SV2C: variants seen among roughly 807,000 people sequenced by gnomAD.
The protein encoded by SV2C is solute carrier family 22 member B3.
A neutral mutation model predicts 79.7 loss-of-function variants in SV2C; 49 were observed. That is an observed-to-expected ratio of 0.61 (90% CI 0.49 to 0.78). The LOEUF (loss-of-function observed/expected upper bound fraction) is 0.78. SV2C is among the 30% of genes least tolerant of loss of function. The pLI is 0.00. For synonymous variants in SV2C, 334 were observed against 333.2 expected (o/e 1.00, Z -0.03); for missense variants, 833 against 912.9 (o/e 0.91, Z 1.13).
chr5:76,122,464 T>C lies in SV2C; in HGVS notation c.-101-9186T>C, dbSNP rs1031287013. 3.0e-3 allele frequency among the ~76,000 whole-genome samples: 459 copies of C among 152,160 alleles called. 3 individuals carry two copies. Among genetic ancestry groups the C allele is most frequent in the African/African-American group, 8.5e-3 (354 of 41,480 alleles). On this transcript the variant is annotated intron_variant, in intron 1 of 12. Coordinates refer to ENST00000502798, the MANE Select transcript of SV2C (RefSeq NM_014979.4). The stretch of plus-strand genomic sequence containing the variant: ...GTCTTGTGCCAGTTTTCAAAGGGAA[T>C]GCTTCCAGGTTTTGCCCATTCAGTA...
the SV2C span, among the ~76,000 whole-genome samples, chr5:75,898,697 C>T: frequency 6.6e-6 from 1 of 152,076 alleles, no homozygotes; most frequent in Non-Finnish European, 1.5e-5. Flanking sequence ...CCATCTGGTC[C>T]TGGACTCTTT....
At chr5:76,034,421 C>A in the SV2C span, among the ~76,000 whole-genome samples, 1 of 152,108 alleles carries the variant, frequency 6.6e-6, no homozygotes, top group Non-Finnish European at 1.5e-5. Context: ...GAGATACATC[C>A]CATCAATACC....
intron 4 of SV2C, among the ~76,000 whole-genome samples, chr5:76,263,314 C>T (rs1746544705): frequency 6.6e-6 from 1 of 151,826 alleles, no homozygotes; most frequent in African/African-American, 2.4e-5. Flanking sequence ...CCATCATCTG[C>T]TTGGTAAATA....
intron 4 of SV2C, among the ~76,000 whole-genome samples, chr5:76,246,293 A>G (rs1335940225): frequency 6.6e-6 from 1 of 152,190 alleles, no homozygotes; most frequent in Non-Finnish European, 1.5e-5. Flanking sequence ...TACTGGCACT[A>G]AGAAACCAGG....
intron 4 of SV2C, among the ~76,000 whole-genome samples, chr5:76,227,045 C>T (rs1745270230): frequency 6.6e-6 from 1 of 152,176 alleles, no homozygotes; most frequent in African/African-American, 2.4e-5. Flanking sequence ...AAGGAAGGAC[C>T]TCAGGGGCCT....
At chr5:76,068,477 C>T in the SV2C span, among the ~76,000 whole-genome samples, 1 of 151,930 alleles carries the variant, frequency 6.6e-6, no homozygotes, top group Admixed American at 6.6e-5. Context: ...CATCTTCGTC[C>T]ACACTTGAGA....
chr5:76,095,633 T>C (rs1488198594), intron 1 of SV2C, among the ~76,000 whole-genome samples: 2 of 152,114 alleles, frequency 1.3e-5, no homozygotes, highest in Non-Finnish European at 2.9e-5. Flanking sequence ...ATATATGAAT[T>C]ATTTAAGAAT....
rs1407807920 is a variant in SV2C at position 76,257,258 on chromosome 5, AGTGTATGTGTGT to A, written c.914-27899_914-27888del. On this transcript the variant is annotated intron_variant, in intron 4 of 12. Coordinates refer to ENST00000502798, the MANE Select transcript of SV2C (RefSeq NM_014979.4). The stretch of plus-strand genomic sequence containing the variant: ...TCTATAGCTCGTGGTGGGGGGCTGT[AGTGTATGTGTGT>A]GTGTGTGTGTGTGTGTGTGTAGTGT... Among the ~76,000 whole-genome samples, 105 of 56,548 alleles carry A rather than the reference AGTGTATGTGTGT, an allele frequency of 1.9e-3. 3 individuals are homozygous for A. The South Asian group carries it at 0.078, about 42-fold the overall frequency. The allele number at this position is 56,548 out of a possible 152,430, so 37.1% of individuals were successfully genotyped here.
chr5:76,074,659 C>T, the SV2C span, among the ~76,000 whole-genome samples: 6 of 152,320 alleles, frequency 3.9e-5, no homozygotes, highest in Middle Eastern at 6.8e-3. Context: ...CCACACACTT[C>T]TAAGTGACAC....
intron 1 of SV2C, among the ~76,000 whole-genome samples, chr5:76,105,066 T>G (rs1747865220): frequency 6.6e-6 from 1 of 152,180 alleles, no homozygotes; most frequent in Admixed American, 6.5e-5. Context: ...GTAGTTAAGA[T>G]GAGGTCATAC....
At chr5:76,324,045 G>A (rs914003504) in intron 12 of SV2C, among the ~76,000 whole-genome samples, 1 of 152,110 alleles carries the variant, frequency 6.6e-6, no homozygotes, top group Non-Finnish European at 1.5e-5. Context: ...AAAACACTTA[G>A]CATGAACATA....
intron 4 of SV2C, among the ~76,000 whole-genome samples, chr5:76,231,231 G>A (rs1745409101): frequency 6.6e-6 from 1 of 152,100 alleles, no homozygotes; most frequent in Non-Finnish European, 1.5e-5. Flanking sequence ...ATGTCCTACT[G>A]AAATTTTTTA....
chr5:75,967,033 T>A, the SV2C span, among the ~76,000 whole-genome samples: 4 of 152,078 alleles, frequency 2.6e-5, no homozygotes, highest in African/African-American at 9.7e-5. Flanking sequence ...TTTGATTTTT[T>A]AAAAAAATTC....
In SV2C at chr5:76,327,728, T is replaced by C. The variant is rs1226603253; in HGVS notation, c.*2181T>C. ...CTCTAGTCCTCTGTGATAGTTCACT[T>C]TGCTAACTAGACTACCTTTACTTTT... On this transcript the variant is annotated 3_prime_UTR_variant, in exon 13 of 13. Transcript: ENST00000502798. 1.3e-5 allele frequency: 2 copies of C among 152,268 alleles called. No homozygotes were observed. Among genetic ancestry groups the C allele is most frequent in the Non-Finnish European group, 2.9e-5 (2 of 68,052 alleles). The allele number at this position is 152,268 out of a possible 1,614,324, so 9.4% of individuals were successfully genotyped here.
the SV2C span, among the ~76,000 whole-genome samples, chr5:76,047,555 T>A: frequency 6.6e-6 from 1 of 152,124 alleles, no homozygotes; most frequent in African/African-American, 2.4e-5. Context: ...CTGATTGCTT[T>A]AAATTGGTGA....
At chr5:76,350,283 C>T (rs1749622233) in intron 12 of SV2C, among the ~76,000 whole-genome samples, 1 of 152,146 alleles carries the variant, frequency 6.6e-6, no homozygotes, top group Non-Finnish European at 1.5e-5. Context: ...TCTTCTATCC[C>T]TCATTCCCCA....
At chr5:76,069,370 C>A in the SV2C span, among the ~76,000 whole-genome samples, 1 of 152,130 alleles carries the variant, frequency 6.6e-6, no homozygotes, top group Admixed American at 6.5e-5. Context: ...GGAGAGTGAC[C>A]CTTGCCTTTG....
intron 1 of SV2C, among the ~76,000 whole-genome samples, chr5:76,093,058 C>CT (rs1270786694): frequency 6.6e-6 from 1 of 152,070 alleles, no homozygotes; most frequent in Non-Finnish European, 1.5e-5. Context: ...ATTTTTAAAC[C>CT]TTTTTTATTA....
chr5:76,095,476 A>G (rs2112106755), intron 1 of SV2C, among the ~76,000 whole-genome samples: 1 of 152,206 alleles, frequency 6.6e-6, no homozygotes, highest in South Asian at 2.1e-4. Flanking sequence ...ATAGTTATTT[A>G]TCATCATTAG....
Sources: allele counts gnomAD v4.1 joint callset (sites outside exome capture counted in the v4.1 genomes callset), GRCh38; gene constraint gnomAD v4.1.1; transcripts MANE v1.5; gene names NCBI Gene and HGNC (gene_info 2026-07-23, HGNC 2026-07-21).